The following DPP6 variants were observed in gnomAD, a reference collection of about 807,000 sequenced individuals.
DPP6 encodes dipeptidyl peptidase like 6.
A neutral mutation model predicts 122.6 loss-of-function variants in DPP6; 69 were observed. The observed-to-expected ratio is 0.56, with a 90% CI of 0.46 to 0.69. The LOEUF is 0.69. DPP6 is among the 30% of genes least tolerant of loss of function. The pLI is 0.00. For missense variants in DPP6, 928 were observed against 1,116.9 expected (o/e 0.83, Z 2.41); for synonymous variants, 418 against 433.1 (o/e 0.97, Z 0.43).
At chr7:153,965,468 A>C (rs1204280302) in intron 1 of DPP6, among the ~76,000 whole-genome samples, 6 of 152,166 alleles carry the variant, frequency 3.9e-5, no homozygotes, top group Non-Finnish European at 8.8e-5. Flanking sequence ...TAGTTTCATC[A>C]GGCTGTTGAA....
At chr7:154,709,719 C>CA (rs201886271) in intron 7 of DPP6, among the ~76,000 whole-genome samples, 21 of 151,374 alleles carry the variant, frequency 1.4e-4, no homozygotes, top group Non-Finnish European at 2.4e-4. Flanking sequence ...GTTCACTTTT[C>CA]AAAAAAACCC....
chr7:154,262,005 A>G (rs1025067900), intron 1 of DPP6, among the ~76,000 whole-genome samples: 9 of 149,602 alleles, frequency 6.0e-5, no homozygotes, highest in African/African-American at 2.0e-4. Flanking sequence ...GGAAGGAAGG[A>G]AGGGAGGGAG....
chr7:154,091,524 T>C (rs540971676), intron 1 of DPP6, among the ~76,000 whole-genome samples: 1 of 152,262 alleles, frequency 6.6e-6, no homozygotes, highest in East Asian at 1.9e-4. Context: ...GCAGAGAGCC[T>C]GCTGTGTTAG....
At chr7:153,916,394 CT>C (rs1800321191) in intron 1 of DPP6, among the ~76,000 whole-genome samples, 1 of 140,070 alleles carries the variant, frequency 7.1e-6, no homozygotes, top group Non-Finnish European at 1.6e-5. Context: ...CTCCCCTCCC[CT>C]CTCCTCCCCT....
Position 154,725,049 on chromosome 7 carries a change from A to G in DPP6, c.763-2718A>G, listed in dbSNP as rs1552520. Among the ~76,000 whole-genome samples, 2,485 of 152,236 alleles carry G rather than the reference A, an allele frequency of 0.016. 102 individuals are homozygous for G. The East Asian group carries it at 0.17, about 10-fold the overall frequency. ...GTTTCCAGAACTCCACAATCTTCCT[A>G]TCAGACCACTGTCCTGCTTAGAGTC... On this transcript the variant is annotated intron_variant, in intron 7 of 25. Transcript: ENST00000377770.
At chr7:154,428,862 G>C (rs1013804654) in intron 1 of DPP6, among the ~76,000 whole-genome samples, 1 of 152,126 alleles carries the variant, frequency 6.6e-6, no homozygotes, top group Non-Finnish European at 1.5e-5. Context: ...GAGAGCGGAA[G>C]GGGTATGAGG....
At chr7:154,805,123 G>A (rs1798615111) in intron 15 of DPP6, among the ~76,000 whole-genome samples, 159 bp downstream of exon 15, 2 of 152,196 alleles carry the variant, frequency 1.3e-5, no homozygotes, top group Admixed American at 6.5e-5. Context: ...AATGAAACTT[G>A]CAGAGGCCAC....
Position 154,700,710 on chromosome 7 carries a change from G to A in DPP6, c.763-27057G>A, listed in dbSNP as rs745645455. 5.3e-5 allele frequency among the ~76,000 whole-genome samples: 8 copies of A among 152,168 alleles called. No individual in the cohort carries two copies. In the South Asian group the frequency reaches 1.0e-3, roughly 20 times the overall value. On this transcript the variant is annotated intron_variant, in intron 7 of 25. Transcript: ENST00000377770. ...TGCATCTACTTCCCCAGGATAGGGCGGTGGCCCCTCGAACCCCATCACACA... is the reference window on the plus strand; with the variant it reads ...TGCATCTACTTCCCCAGGATAGGGCAGTGGCCCCTCGAACCCCATCACACA...
At chr7:153,919,647 CAG>C (rs1316932248) in intron 1 of DPP6, among the ~76,000 whole-genome samples, 4 of 152,152 alleles carry the variant, frequency 2.6e-5, no homozygotes, top group Admixed American at 1.3e-4. Context: ...GGCCAGGAGT[CAG>C]GGGGAAATAA....
intron 1 of DPP6, among the ~76,000 whole-genome samples, chr7:154,202,052 C>T (rs762898931): frequency 2.6e-5 from 4 of 152,132 alleles, no homozygotes; most frequent in South Asian, 4.1e-4. Context: ...AGTGGAGCTA[C>T]GACTAGTTTT....
intron 5 of DPP6, among the ~76,000 whole-genome samples, chr7:154,620,896 G>C (rs577560488): frequency 6.6e-6 from 1 of 152,268 alleles, no homozygotes; most frequent in East Asian, 1.9e-4. Flanking sequence ...TACAATCAGA[G>C]GCCTATCAAA....
At chr7:154,074,409 C>T (rs1481563646) in intron 1 of DPP6, among the ~76,000 whole-genome samples, 6 of 152,066 alleles carry the variant, frequency 3.9e-5, no homozygotes, top group Non-Finnish European at 1.5e-5. Flanking sequence ...TAGATGGCAA[C>T]TTATTATAAA....
At chr7:153,938,735 A>G (rs893601566) in intron 1 of DPP6, among the ~76,000 whole-genome samples, 1 of 152,188 alleles carries the variant, frequency 6.6e-6, no homozygotes, top group Non-Finnish European at 1.5e-5. Flanking sequence ...CTCAAGACCT[A>G]TCCCTTAAAG....
At chr7:153,783,140 C>T in the DPP6 span, among the ~76,000 whole-genome samples, 1 of 152,162 alleles carries the variant, frequency 6.6e-6, no homozygotes. Flanking sequence ...GCATATTAGA[C>T]ATGTCCACAG....
chr7:154,782,823 G>T (rs571777245), intron 10 of DPP6, among the ~76,000 whole-genome samples: 2 of 151,844 alleles, frequency 1.3e-5, no homozygotes, highest in Admixed American at 6.6e-5. Context: ...TCGCTCTGTC[G>T]CCCAGGTTGG....
At chr7:154,054,159 G>A (rs191732038) in intron 1 of DPP6, among the ~76,000 whole-genome samples, 5 of 151,934 alleles carry the variant, frequency 3.3e-5, no homozygotes, top group Non-Finnish European at 5.9e-5. Context: ...AACCGCAGGG[G>A]TCCCACCGGC....
At chr7:154,286,287 A>G (rs1001916968) in intron 1 of DPP6, among the ~76,000 whole-genome samples, 2 of 152,124 alleles carry the variant, frequency 1.3e-5, no homozygotes, top group South Asian at 2.1e-4. Context: ...AGCTTCCTAT[A>G]TCTCGGTGTA....
In DPP6 at chr7:154,566,906, A is replaced by G. The variant is rs748317771; in HGVS notation, c.617A>G (p.Asn206Ser). ...PDREYALFSYNVEPIYQHSYT... is the reference protein window; with the variant it reads ...PDREYALFSYSVEPIYQHSYT... Reference sequence around the variant, plus strand: ...AGAGAGTATGCACTTTTTTCATACAATGTGGAACCCGTGAGTATTATCCTT... The same window carrying G: ...AGAGAGTATGCACTTTTTTCATACAGTGTGGAACCCGTGAGTATTATCCTT... Residue 206 changes from asparagine (N) to serine (S), a missense_variant, in exon 5 of 26, where the codon AAT becomes AGT. Coordinates refer to ENST00000377770, the MANE Select transcript of DPP6 (RefSeq NM_130797.4). 6.2e-7 allele frequency: 1 copy of G among 1,605,746 alleles called. No individual in the cohort carries two copies. The highest frequency in any genetic ancestry group is 1.1e-5 in the South Asian group (1 of 90,534).
chr7:154,286,918 T>G (rs1021038162), intron 1 of DPP6, among the ~76,000 whole-genome samples: 1 of 151,790 alleles, frequency 6.6e-6, no homozygotes, highest in Non-Finnish European at 1.5e-5. Flanking sequence ...GAATTCTGCC[T>G]CAGCCTCCCG....
Sources: allele counts gnomAD v4.1 joint callset (sites outside exome capture counted in the v4.1 genomes callset), GRCh38; gene constraint gnomAD v4.1.1; transcripts MANE v1.5; gene names NCBI Gene and HGNC (gene_info 2026-07-23, HGNC 2026-07-21).